The following VWA3B variants were observed in gnomAD, a reference collection of about 807,000 sequenced individuals.
VWA3B encodes the protein von Willebrand factor A domain containing 3B, also known as von Willebrand factor A domain-containing protein 3B.
Under a neutral mutation model 158.3 loss-of-function variants are expected in VWA3B, and 138 were observed. That is an observed-to-expected ratio of 0.87 (90% CI 0.76 to 1.00). The LOEUF (loss-of-function observed/expected upper bound fraction) is 1.00. Among genes scored for constraint, VWA3B ranks in the 50% least tolerant of loss-of-function variants. The pLI is 0.00. For synonymous variants in VWA3B, 596 were observed against 587.3 expected (o/e 1.01, Z -0.21); for missense variants, 1,555 against 1,565.1 (o/e 0.99, Z 0.11).
intron 12 of VWA3B, among the ~76,000 whole-genome samples, chr2:98,203,119 CCACA>C (rs1167476846): frequency 1.3e-5 from 2 of 152,230 alleles, no homozygotes; most frequent in African/African-American, 2.4e-5. Context: ...GCGTGAGCCA[CCACA>C]CCCGGCCGGT....
At chr2:98,128,745 T>A (rs1440472307) in intron 6 of VWA3B, among the ~76,000 whole-genome samples, 1 of 152,186 alleles carries the variant, frequency 6.6e-6, no homozygotes, top group Non-Finnish European at 1.5e-5. Context: ...CAATCCAGGC[T>A]CTCTCACTTA....
intron 8 of VWA3B, among the ~76,000 whole-genome samples, chr2:98,176,998 C>A (rs1398078376): frequency 6.6e-6 from 1 of 152,156 alleles, no homozygotes; most frequent in Non-Finnish European, 1.5e-5. Context: ...AGGCAAGTAA[C>A]ATTCAGTGGA....
intron 22 of VWA3B, among the ~76,000 whole-genome samples, chr2:98,277,739 G>T (rs1688611429): frequency 6.6e-6 from 1 of 152,194 alleles, no homozygotes; most frequent in South Asian, 2.1e-4. Flanking sequence ...GGGCGAGGCT[G>T]GATGAGGTGG....
intron 7 of VWA3B, among the ~76,000 whole-genome samples, chr2:98,143,841 C>A (rs892714556): frequency 1.3e-5 from 2 of 150,802 alleles, no homozygotes; most frequent in Non-Finnish European, 2.9e-5. Context: ...GCCTCAACCT[C>A]CTTTGCTCAA....
intron 22 of VWA3B, among the ~76,000 whole-genome samples, chr2:98,282,994 GAA>G (rs935177147): frequency 6.6e-6 from 1 of 151,904 alleles, no homozygotes; most frequent in Non-Finnish European, 1.5e-5. Context: ...GATAACTATA[GAA>G]AAAAAGAGTT....
rs547086857 is a variant in VWA3B, at chr2:98,267,891, A to G, written c.2844-2791A>G. Among the ~76,000 whole-genome samples the G allele has an allele frequency of 5.2e-3, 790 of 152,282 alleles. 6 individuals carry two copies. Among genetic ancestry groups the G allele is most frequent in the African/African-American group, 0.018 (747 of 41,524 alleles). ...CAATCCCACAGAAATACAAACTACC[A>G]TCAGAGAATACTACAAACACCTCTA... On this transcript the variant is annotated intron_variant, in intron 21 of 27. Coordinates refer to ENST00000477737, the MANE Select transcript of VWA3B (RefSeq NM_144992.5).
chr2:98,290,671 T>A, intron 23 of VWA3B, 49 bp downstream of exon 23: 1 of 1,300,030 alleles, frequency 7.7e-7, no homozygotes. Flanking sequence ...AATAATTTGA[T>A]ACTAGGGACA....
At chr2:98,163,262 G>A (rs768892192) in intron 8 of VWA3B, among the ~76,000 whole-genome samples, 14 of 152,180 alleles carry the variant, frequency 9.2e-5, no homozygotes, top group Non-Finnish European at 1.9e-4. Context: ...TGCTTGGGCC[G>A]GGCGCGGTGG....
intron 6 of VWA3B, among the ~76,000 whole-genome samples, chr2:98,129,284 G>A (rs557188689): frequency 6.7e-6 from 1 of 149,990 alleles, no homozygotes; most frequent in South Asian, 2.1e-4. Flanking sequence ...AGAGAGAGGA[G>A]AGAGAGGAGA....
rs544581852 is a variant in VWA3B at position 98,113,917 on chromosome 2, G to T, written c.197-1735G>T. Among the ~76,000 whole-genome samples, 14 of 152,274 alleles carry T rather than the reference G, an allele frequency of 9.2e-5. No individual in the cohort carries two copies. In the South Asian group the frequency reaches 2.9e-3, roughly 32 times the overall value. On this transcript the variant is annotated intron_variant, in intron 2 of 27. Coordinates refer to ENST00000477737, the MANE Select transcript of VWA3B (RefSeq NM_144992.5). ...TTTCTTATCCATTTACCAGTTGATA[G>T]ATGGAGAGCTGATTTTCATTCTAGT...
intron 14 of VWA3B, among the ~76,000 whole-genome samples, chr2:98,222,075 C>G (rs191943460): frequency 6.6e-6 from 1 of 152,188 alleles, no homozygotes; most frequent in East Asian, 1.9e-4. Context: ...GACTAGCCCC[C>G]ACGGTGGTCC....
chr2:98,165,957 G>A (rs1039247332), intron 8 of VWA3B, among the ~76,000 whole-genome samples: 8 of 152,154 alleles, frequency 5.3e-5, no homozygotes, highest in Non-Finnish European at 1.0e-4. Context: ...TTTGTTTCGG[G>A]GAGTGTGTGG....
intron 19 of VWA3B, chr2:98,245,478 C>A (rs1032682258): frequency 2.2e-6 from 1 of 449,146 alleles, no homozygotes; most frequent in South Asian, 1.6e-5. Flanking sequence ...ATGACTTTAT[C>A]TTTCCCTGGA....
chr2:98,207,098 T>A (rs113469251), intron 12 of VWA3B: 206 of 524,358 alleles, frequency 3.9e-4, no homozygotes, highest in African/African-American at 3.5e-3. Flanking sequence ...GGCTCAAGGG[T>A]GTCTGCCTTA....
chr2:98,138,924 C>T (rs1052908738), intron 7 of VWA3B, among the ~76,000 whole-genome samples: 10 of 152,242 alleles, frequency 6.6e-5, no homozygotes, highest in East Asian at 1.9e-4. Flanking sequence ...TCCTTCAGTC[C>T]GCCGCTGCAC....
At chr2:98,239,700 T>C (rs1685947896) in intron 19 of VWA3B, among the ~76,000 whole-genome samples, 3 of 151,850 alleles carry the variant, frequency 2.0e-5, no homozygotes, top group Admixed American at 2.0e-4. Context: ...GATCATTAGG[T>C]CAGGAGATCG....
At chr2:98,292,352 GA>G (rs1234211307) in intron 23 of VWA3B, among the ~76,000 whole-genome samples, 5 of 152,058 alleles carry the variant, frequency 3.3e-5, no homozygotes, top group Non-Finnish European at 5.9e-5. Context: ...TTTTAGGTGG[GA>G]AAAAAATACT....
At position 98,217,820 on chromosome 2, in the gene VWA3B, C is replaced by T. The variant is rs374324225; in HGVS notation, c.1837-26C>T. 3 of 1,542,820 alleles carry T rather than the reference C, an allele frequency of 1.9e-6. No homozygotes were observed. In the African/African-American group the frequency reaches 4.2e-5, roughly 22 times the overall value. Reference sequence around the variant, plus strand: ...TCTCTTCTCTTTCCATCTCCCTTCCCCCATCCCCAAAACTTATCGTTTCAG... The same window carrying T: ...TCTCTTCTCTTTCCATCTCCCTTCCTCCATCCCCAAAACTTATCGTTTCAG... On this transcript the variant is annotated intron_variant, in intron 13 of 27. Transcript: ENST00000477737.
At chr2:98,189,352 C>A (rs916293922) in intron 10 of VWA3B, among the ~76,000 whole-genome samples, 2 of 152,184 alleles carry the variant, frequency 1.3e-5, no homozygotes, top group African/African-American at 2.4e-5. Context: ...GCTTGCAGAT[C>A]GCACTACTGC....
Sources: gnomAD v4.1 joint callset for allele counts (sites outside exome capture counted in the v4.1 genomes callset) on GRCh38, gnomAD v4.1.1 for gene constraint, MANE v1.5 for transcripts, NCBI Gene and HGNC (gene_info 2026-07-23, HGNC 2026-07-21) for gene names.